RPN1: variants seen among roughly 807,000 people sequenced by gnomAD.
RPN1 encodes the protein dolichyl-diphosphooligosaccharide--protein glycosyltransferase subunit 1.
A neutral mutation model predicts 55.5 loss-of-function variants in RPN1; 12 were observed. The ratio of observed to expected loss-of-function variants is 0.22; its 90% CI spans 0.14 to 0.35. The LOEUF (loss-of-function observed/expected upper bound fraction) is 0.35. Ranked by LOEUF, RPN1 falls within the 10% of genes least tolerant of loss-of-function variation. RPN1 has a pLI of 1.00. For missense variants in RPN1, 679 were observed against 761.3 expected (o/e 0.89, Z 1.27); for synonymous variants, 317 against 305.9 (o/e 1.04, Z -0.38).
At position 128,644,920 on chromosome 3, in the gene RPN1, T is replaced by C. The variant is rs774919109; in HGVS notation, c.325A>G (p.Ser109Gly). 6.6e-7 allele frequency: 1 copy of C among 1,519,582 alleles called. No individual in the cohort carries two copies. Among genetic ancestry groups the C allele is most frequent in the Non-Finnish European group, 9.1e-7 (1 of 1,093,848 alleles). 94.1% of individuals were successfully genotyped at this position (1,519,582 alleles called of 1,614,324 possible). The change falls in exon 2 of 10, where the codon AGT becomes GGT. Residue 109 changes from serine to glycine, a missense_variant and splice_region_variant. Ser to Gly is a moderately conservative substitution (Grantham distance 56). This residue lies in a region of RPN1 where 352 missense variants were observed against 352.8 expected (regional missense o/e 1.00). Transcript: ENST00000296255. ...EVRETKIKGK[S>G]GRFFTVKLPV... The stretch of plus-strand genomic sequence containing the variant: ...AAGGTATATTGTTTGTCAGCTTACC[T>C]TTTACCCTTAATTTTGGTTTCACGT...
intron 7 of RPN1, 90 bp downstream of exon 7, chr3:128,625,784 G>A: frequency 1.3e-6 from 2 of 1,557,238 alleles, no homozygotes; most frequent in Non-Finnish European, 1.8e-6. Flanking sequence ...AATGACTCCA[G>A]CCCAAGGAGG....
At position 128,650,784 on chromosome 3, in the gene RPN1, G is replaced by A. The variant is rs746362304; in HGVS notation, c.17C>T (p.Ala6Val). ...AAGCAACAGGAGCAGAAACAAGCCG[G>A]CGGCTGGCGCCTCCATGACCGGGAA... MEAPAAGLFLLLLLGT... is the reference protein window; with the variant it reads MEAPAVGLFLLLLLGT... Residue 6 changes from alanine (A) to valine (V), a missense_variant, in exon 1 of 10, where the codon GCC becomes GTC. Physicochemically the swap from Ala to Val is moderately conservative, Grantham distance 64. Transcript: ENST00000296255. The A allele has an allele frequency of 1.3e-5, 20 of 1,536,516 alleles. No individual in the cohort carries two copies. Among genetic ancestry groups the A allele is most frequent in the Non-Finnish European group, 1.8e-5 (20 of 1,139,146 alleles).
At chr3:128,643,673 G>A (rs774052715) in intron 2 of RPN1, among the ~76,000 whole-genome samples, 1 of 151,938 alleles carries the variant, frequency 6.6e-6, no homozygotes, top group Non-Finnish European at 1.5e-5. Flanking sequence ...GTGCATGCCT[G>A]TAATCACAGC....
intron 4 of RPN1, among the ~76,000 whole-genome samples, chr3:128,631,410 G>A (rs1461367363): frequency 5.3e-5 from 8 of 151,056 alleles, no homozygotes; most frequent in East Asian, 2.0e-4. Context: ...CCTGGGAGGC[G>A]GAGGTTGTGG....
chr3:128,635,018 C>T (rs2069666588), intron 3 of RPN1, among the ~76,000 whole-genome samples: 1 of 152,140 alleles, frequency 6.6e-6, no homozygotes, highest in Admixed American at 6.6e-5. Context: ...TTAGAGAAAG[C>T]ACAGCTCAGA....
chr3:128,650,386 C>T (rs1287531820), intron 1 of RPN1, among the ~76,000 whole-genome samples, 154 bp downstream of exon 1: 10 of 151,144 alleles, frequency 6.6e-5, no homozygotes, highest in Non-Finnish European at 1.3e-4. Flanking sequence ...CCTCGCGGGC[C>T]CCGAGGCAAT....
In RPN1 at chr3:128,644,795, CAAA is replaced by C. The variant is rs146448705; in HGVS notation, c.326+121_326+123del. 17 of 549,050 alleles carry C rather than the reference CAAA, an allele frequency of 3.1e-5. No homozygotes were observed. The South Asian group carries it at 4.0e-4, about 13-fold the overall frequency. 34.0% of individuals were successfully genotyped at this position (549,050 alleles called of 1,614,324 possible). On this transcript the variant is annotated intron_variant, in intron 2 of 9. Transcript: ENST00000296255. ...GCAACATAGCTAGACCTCCTCTCTA[CAAA>C]AAAAAAACCCTGTAATAAAGCAGGC...
intron 1 of RPN1, among the ~76,000 whole-genome samples, chr3:128,646,178 G>A (rs745318848): frequency 1.3e-4 from 19 of 144,596 alleles, no homozygotes; most frequent in Non-Finnish European, 2.2e-4. Context: ...AGCTGAGATC[G>A]TGCCATTGCA....
At chr3:128,642,048 A>G (rs191727225) in intron 2 of RPN1, among the ~76,000 whole-genome samples, 4 of 152,324 alleles carry the variant, frequency 2.6e-5, no homozygotes, top group African/African-American at 9.6e-5. Flanking sequence ...GCACAGTCCT[A>G]ATAACTAAGT....
intron 5 of RPN1, 47 bp downstream of exon 5, chr3:128,629,904 C>T (rs781313441): frequency 7.3e-6 from 8 of 1,103,414 alleles, no homozygotes; most frequent in South Asian, 4.5e-5. Context: ...AAAAAATTCA[C>T]GAAATTAAAG....
At chr3:128,626,590 G>A (rs1234376850) in intron 6 of RPN1, 143 bp downstream of exon 6, 1 of 677,770 alleles carries the variant, frequency 1.5e-6, no homozygotes, top group South Asian at 1.8e-5. Flanking sequence ...ACTCAAGAGA[G>A]GCCAAGTAGA....
Position 128,648,341 on chromosome 3 carries a change from G to C in RPN1, c.261+2199C>G, listed in dbSNP as rs184650821. On this transcript the variant is annotated intron_variant, in intron 1 of 9. Coordinates refer to ENST00000296255, the MANE Select transcript of RPN1 (RefSeq NM_002950.4). ...ACCTGGGAGGCAGAGGTTGCAGTGA[G>C]CCGAGATTGCACCACCGCACTCCAG... Among the ~76,000 whole-genome samples the C allele has an allele frequency of 2.1e-3, 321 of 152,148 alleles. 3 individuals are homozygous for C. Among genetic ancestry groups the C allele is most frequent in the African/African-American group, 6.8e-3 (281 of 41,524 alleles).
In RPN1 at chr3:128,625,572, C is replaced by G. The variant is rs1126829; in HGVS notation, c.1357G>C (p.Val453Leu). 4 of 1,614,048 alleles carry G rather than the reference C, an allele frequency of 2.5e-6. No homozygotes were observed. The South Asian group carries it at 4.4e-5, about 18-fold the overall frequency. The change falls in exon 8 of 10, where the codon GTT becomes CTT. Residue 453 changes from valine to leucine, a missense_variant. This residue lies in a region of RPN1 where 306 missense variants were observed against 360.0 expected (regional missense o/e 0.85). Coordinates refer to ENST00000296255, the MANE Select transcript of RPN1 (RefSeq NM_002950.4). ...VAAFYILFFT[V>L]IIYVRLDFSI... ...AAGTCCAGCCGAACATAGATGATAA[C>G]GGTGAAGAACAGGATGTAGAAGGCC...
chr3:128,637,354 G>A (rs1481955916), intron 3 of RPN1, among the ~76,000 whole-genome samples: 1 of 152,112 alleles, frequency 6.6e-6, no homozygotes, highest in Non-Finnish European at 1.5e-5. Flanking sequence ...ACTAGTCTTT[G>A]TACTTTGGCA....
chr3:128,643,019 C>CA (rs565238222), intron 2 of RPN1, among the ~76,000 whole-genome samples: 4,089 of 128,426 alleles, frequency 0.032, 76 homozygotes, highest in Middle Eastern at 0.059. Flanking sequence ...AATTCCGTCT[C>CA]AAAAAAAAAA....
At chr3:128,633,901 T>C (rs1001327140) in intron 3 of RPN1, among the ~76,000 whole-genome samples, 5 of 152,004 alleles carry the variant, frequency 3.3e-5, no homozygotes, top group African/African-American at 1.2e-4. Flanking sequence ...GAGAATCGCT[T>C]GAACCCGGGA....
chr3:128,646,972 CAA>C (rs111594217), intron 1 of RPN1, among the ~76,000 whole-genome samples: 27 of 123,534 alleles, frequency 2.2e-4, no homozygotes, highest in Non-Finnish European at 1.9e-4. Flanking sequence ...GACTTCCTCT[CAA>C]AAAAAAAAAA....
rs770275111 is a variant in RPN1 at position 128,650,678 on chromosome 3, G to C, written c.123C>G (p.Asp41Glu). Residue 41 changes from aspartate (D) to glutamate (E), a missense_variant, in exon 1 of 10, where the codon GAC becomes GAG. Physicochemically the swap from Asp to Glu is conservative, Grantham distance 45. Coordinates refer to ENST00000296255, the MANE Select transcript of RPN1 (RefSeq NM_002950.4). ...LINEDVKRTV[D>E]LSSHLAKVTA... ...TCACCTTAGCCAGGTGGCTGCTTAG[G>C]TCCACTGTGCGCTTCACGTCCTCAT... The C allele has an allele frequency of 6.4e-7, 1 of 1,572,788 alleles. No individual in the cohort carries two copies. The highest frequency in any genetic ancestry group is 1.2e-5 in the South Asian group (1 of 85,922).
intron 2 of RPN1, among the ~76,000 whole-genome samples, chr3:128,641,689 A>G (rs192668605): frequency 2.7e-5 from 4 of 146,492 alleles, no homozygotes; most frequent in African/African-American, 1.0e-4. Context: ...GGCTCACCGG[A>G]ACCTCTGCCT....
Sources: gnomAD v4.1 joint callset for allele counts (sites outside exome capture counted in the v4.1 genomes callset) on GRCh38, gnomAD v4.1.1 for gene constraint, gnomAD v4.1.1 regional missense constraint, MANE v1.5 for transcripts, NCBI Gene and HGNC (gene_info 2026-07-23, HGNC 2026-07-21) for gene names.